The following ADGRB1 variants were observed in gnomAD, a reference collection of about 807,000 sequenced individuals.
ADGRB1 encodes adhesion G protein-coupled receptor B1, also known as brain-specific angiogenesis inhibitor 1.
In ADGRB1, 36 loss-of-function variants were observed where a neutral mutation model predicts 175.7. The observed-to-expected ratio is 0.20, with a 90% confidence interval of 0.16 to 0.27. ADGRB1 has a LOEUF of 0.27. ADGRB1 is among the 10% of genes least tolerant of loss of function. The pLI is 1.00. For synonymous variants in ADGRB1, 1,054 were observed against 979.4 expected (o/e 1.08, Z -1.42); for missense variants, 1,731 against 2,255.3 (o/e 0.77, Z 4.71).
intron 10 of ADGRB1, 43 bp downstream of exon 10, chr8:142,481,403 C>A: frequency 1.2e-6 from 2 of 1,607,506 alleles, no homozygotes; most frequent in East Asian, 2.2e-5. Flanking sequence ...TCCCCAATCA[C>A]CCTGGCCACA....
chr8:142,457,184 T>C (rs889892172), intron 1 of ADGRB1, among the ~76,000 whole-genome samples: 3 of 152,150 alleles, frequency 2.0e-5, no homozygotes, highest in Non-Finnish European at 4.4e-5. Flanking sequence ...TTGGGTAAGA[T>C]GAGGGGTAAC....
intron 17 of ADGRB1, among the ~76,000 whole-genome samples, chr8:142,498,650 C>T (rs1462901580): frequency 2.0e-5 from 3 of 152,098 alleles, no homozygotes; most frequent in African/African-American, 7.2e-5. Flanking sequence ...TCCTCCCAGT[C>T]CAGGGAGCTT....
At position 142,543,358 on chromosome 8, in the gene ADGRB1, G is replaced by C. The variant is rs768667497; in HGVS notation, c.4414-45G>C. On this transcript the variant is annotated intron_variant, in intron 28 of 30. Coordinates refer to ENST00000517894, the MANE Select transcript of ADGRB1 (RefSeq NM_001702.3). The surrounding 1 kb of genome is among the most constrained non-coding windows in gnomAD (Gnocchi z 4.4). ...CTGAGGCAGGGAGAGGCGTGGACTT[G>C]TCAGGGACCCTTGGCGAATGTTCGC... 3 of 1,611,758 alleles carry C rather than the reference G, an allele frequency of 1.9e-6. No individual in the cohort carries two copies. The highest frequency in any genetic ancestry group is 2.7e-5 in the African/African-American group (2 of 74,888).
At chr8:142,517,737 C>T (rs1843527408) in intron 18 of ADGRB1, among the ~76,000 whole-genome samples, 1 of 152,052 alleles carries the variant, frequency 6.6e-6, no homozygotes, top group Non-Finnish European at 1.5e-5. Context: ...CCGGATTTCT[C>T]GAAGCCTGGG....
At position 142,518,161 on chromosome 8, in the gene ADGRB1, G is replaced by A. The variant is rs777364535; in HGVS notation, c.2841G>A (p.Pro947=). ...ADANMEKATL[P]SVTLIVGCGV... is the part of the protein sequence containing the mutation. ...AGAACATGGAGAAGGCGACTCTGCC[G>A]TCGGTGACGCTCATCGTGGGCTGTG... The change falls in exon 19 of 31, where the codon CCG becomes CCA. Residue 947 remains proline, a synonymous_variant. Coordinates refer to ENST00000517894, the MANE Select transcript of ADGRB1 (RefSeq NM_001702.3). 2.0e-5 allele frequency: 32 copies of A among 1,613,606 alleles called. No homozygotes were observed. The highest frequency in any genetic ancestry group is 8.9e-5 in the East Asian group (4 of 44,864).
chr8:142,543,771 T>C lies in ADGRB1; in HGVS notation c.4557+63T>C. On this transcript the variant is annotated intron_variant, in intron 30 of 30. Coordinates refer to ENST00000517894, the MANE Select transcript of ADGRB1 (RefSeq NM_001702.3). This position sits in a 1 kb window ranked among gnomAD's most constrained non-coding sequence, Gnocchi z 4.4. ...TTAGGTCAGGCCACCGTCTCCCTTC[T>C]TCCCTGGATTTGTGCACTTCATCCA... 1 of 1,413,606 alleles carries C rather than the reference T, an allele frequency of 7.1e-7. No homozygotes were observed. The highest frequency in any genetic ancestry group is 9.8e-7 in the Non-Finnish European group (1 of 1,024,042). The allele number at this position is 1,413,606 out of a possible 1,614,324, so 87.6% of individuals were successfully genotyped here. A position where few individuals can be genotyped will look rare whatever the true frequency, so the allele number is the denominator to read the frequency against.
rs1188093579 is a variant in ADGRB1 at position 142,474,777 on chromosome 8, C to T, written c.785-697C>T. On this transcript the variant is annotated intron_variant, in intron 2 of 30. Transcript: ENST00000517894. This position sits in a 1 kb window ranked among gnomAD's most constrained non-coding sequence, Gnocchi z 5.8. ...CACTAGAGAAGCTGAACAGAGCGGC[C>T]GGGGTCAGGGCAGGGGCGTGGCGGG... Among the ~76,000 whole-genome samples, 1 of 152,080 alleles carries T rather than the reference C, an allele frequency of 6.6e-6. No individual in the cohort carries two copies. Among genetic ancestry groups the T allele is most frequent in the Non-Finnish European group, 1.5e-5 (1 of 67,992 alleles).
rs527494476 is a variant in ADGRB1 at position 142,493,701 on chromosome 8, G to T, written c.2675+2886G>T. Among the ~76,000 whole-genome samples, 4 of 152,254 alleles carry T rather than the reference G, an allele frequency of 2.6e-5. No individual in the cohort carries two copies. Among genetic ancestry groups the T allele is most frequent in the Admixed American group, 2.6e-4 (4 of 15,288 alleles). Reference sequence around the variant, plus strand: ...GAGGCCCTGAGACTCCTACAGTCCCGCTGAAAGCACAGCGCAGTGATCGAG... The same window carrying T: ...GAGGCCCTGAGACTCCTACAGTCCCTCTGAAAGCACAGCGCAGTGATCGAG... On this transcript the variant is annotated intron_variant, in intron 17 of 30. Coordinates refer to ENST00000517894, the MANE Select transcript of ADGRB1 (RefSeq NM_001702.3). This position sits in a 1 kb window ranked among gnomAD's most constrained non-coding sequence, Gnocchi z 5.0.
At chr8:142,512,977 G>T (rs1843185402) in intron 18 of ADGRB1, among the ~76,000 whole-genome samples, 1 of 152,110 alleles carries the variant, frequency 6.6e-6, no homozygotes, top group Non-Finnish European at 1.5e-5. Flanking sequence ...GCGGGGGGCG[G>T]GGGTGGAGGC....
chr8:142,451,328 C>T (rs1298872977), intron 1 of ADGRB1, among the ~76,000 whole-genome samples: 1 of 152,200 alleles, frequency 6.6e-6, no homozygotes, highest in Non-Finnish European at 1.5e-5. Flanking sequence ...CCGCTGGGCA[C>T]CTTACCCCTT....
chr8:142,516,304 A>ATG (rs1843424305), intron 18 of ADGRB1, among the ~76,000 whole-genome samples: 2 of 59,380 alleles, frequency 3.4e-5, no homozygotes, highest in African/African-American at 6.3e-5. Flanking sequence ...CCCCAGGTGC[A>ATG]TGCGTGTGTG....
intron 17 of ADGRB1, among the ~76,000 whole-genome samples, chr8:142,505,248 C>T (rs1842796827): frequency 6.6e-6 from 1 of 151,968 alleles, no homozygotes; most frequent in Non-Finnish European, 1.5e-5. Context: ...GGCTGCTGGA[C>T]CCCCTGCCGG....
At position 142,493,185 on chromosome 8, in the gene ADGRB1, C is replaced by G. The variant is rs1035087966; in HGVS notation, c.2675+2370C>G. ...GAAAGGAAAGCATCCCCTTTGTCCT[C>G]CAGGGCAGCAGGCTGTGAGGGGCCT... On this transcript the variant is annotated intron_variant, in intron 17 of 30. Coordinates refer to ENST00000517894, the MANE Select transcript of ADGRB1 (RefSeq NM_001702.3). The surrounding 1 kb of genome is among the most constrained non-coding windows in gnomAD (Gnocchi z 5.0). 6.6e-6 allele frequency among the ~76,000 whole-genome samples: 1 copy of G among 152,066 alleles called. No individual in the cohort carries two copies. The highest frequency in any genetic ancestry group is 2.4e-5 in the African/African-American group (1 of 41,410).
At position 142,537,049 on chromosome 8, in the gene ADGRB1, G is replaced by A. The variant is rs761738192; in HGVS notation, c.3633G>A (p.Gly1211=). The A allele has an allele frequency of 2.5e-6, 4 of 1,582,860 alleles. No individual in the cohort carries two copies. In the East Asian group the frequency reaches 6.9e-5, roughly 27 times the overall value. ...AGGAGGAGGGCAACGGGGACTCAGG[G>A]GGCTCCTTCCAGAACGGCCACGCCC... The part of the protein sequence containing the change: ...DRQEEGNGDS[G]GSFQNGHAQL... The change falls in exon 26 of 31, where the codon GGG becomes GGA. Residue 1211 remains glycine (G), a synonymous_variant. Coordinates refer to ENST00000517894, the MANE Select transcript of ADGRB1 (RefSeq NM_001702.3). This position sits in a 1 kb window ranked among gnomAD's most constrained non-coding sequence, Gnocchi z 4.6.
At chr8:142,528,583 G>A (rs1225151243) in intron 24 of ADGRB1, among the ~76,000 whole-genome samples, 1 of 151,946 alleles carries the variant, frequency 6.6e-6, no homozygotes, top group African/African-American at 2.4e-5. Flanking sequence ...GCCCTCAAGT[G>A]TGCCGAGTGT....
chr8:142,544,210 C>G lies in ADGRB1; in HGVS notation c.4558-10C>G. 2 of 1,548,404 alleles carry G rather than the reference C, an allele frequency of 1.3e-6. No individual in the cohort carries two copies. The highest frequency in any genetic ancestry group is 1.7e-6 in the Non-Finnish European group (2 of 1,146,576). ...GCCCCACCCCTCCTGCACCACGGGCCACCCAGCAGCCGGAAAAGCAGCAGA... is the reference window on the plus strand; with the variant it reads ...GCCCCACCCCTCCTGCACCACGGGCGACCCAGCAGCCGGAAAAGCAGCAGA... On this transcript the variant is annotated splice_polypyrimidine_tract_variant and intron_variant, in intron 30 of 30. Coordinates refer to ENST00000517894, the MANE Select transcript of ADGRB1 (RefSeq NM_001702.3).
chr8:142,451,085 C>G (rs1046988762), intron 1 of ADGRB1, among the ~76,000 whole-genome samples: 1 of 152,174 alleles, frequency 6.6e-6, no homozygotes. Context: ...GCTCTGGACC[C>G]GGCCAGGAGC....
At chr8:142,484,992 G>A (rs1304636256) in intron 13 of ADGRB1, among the ~76,000 whole-genome samples, 5 of 152,170 alleles carry the variant, frequency 3.3e-5, no homozygotes, top group Non-Finnish European at 7.4e-5. Flanking sequence ...TGGGAGCTCC[G>A]TCCCCAACCA....
intron 9 of ADGRB1, 49 bp from the exon 10 acceptor site, chr8:142,481,205 C>T: frequency 6.4e-7 from 1 of 1,566,882 alleles, no homozygotes. Flanking sequence ...GGGTGGGATT[C>T]CTGGGCCAGG....
Sources: allele counts gnomAD v4.1 joint callset (sites outside exome capture counted in the v4.1 genomes callset), GRCh38; gene constraint gnomAD v4.1.1; non-coding constraint Gnocchi (gnomAD v3.1); transcripts MANE v1.5; gene names NCBI Gene and HGNC (gene_info 2026-07-23, HGNC 2026-07-21).